CAMKMT: variants seen among roughly 807,000 people sequenced by gnomAD.
CAMKMT encodes calmodulin-lysine N-methyltransferase.
CAMKMT carries 53 observed loss-of-function variants against 48.0 expected under a neutral mutation model. The ratio of observed to expected loss-of-function variants is 1.10; its 90% CI spans 0.89 to 1.39. The LOEUF is 1.39. Among genes scored for constraint, CAMKMT ranks in the 40% most tolerant of loss-of-function variants. The probability of loss-of-function intolerance (pLI) is 0.00; values close to 1 mark genes in which losing one functional copy is unlikely to be tolerated. For synonymous variants in CAMKMT, 165 were observed against 152.3 expected, an observed-to-expected ratio of 1.08 and a Z score of -0.61; for missense variants, 428 against 402.7, an observed-to-expected ratio of 1.06 and a Z score of -0.54.
intron 3 of CAMKMT, among the ~76,000 whole-genome samples, chr2:44,622,799 A>C (rs1672272366): frequency 6.6e-6 from 1 of 152,168 alleles, no homozygotes; most frequent in Non-Finnish European, 1.5e-5. Flanking sequence ...ATGAACATAG[A>C]AGTACATGTG....
At chr2:44,624,953 G>T (rs145596644) in intron 3 of CAMKMT, among the ~76,000 whole-genome samples, 4,184 of 152,186 alleles carry the variant, frequency 0.027, 190 homozygotes, top group African/African-American at 0.095. Flanking sequence ...CAGTGTAAAA[G>T]TGTTCCTATT....
chr2:44,604,467 G>C (rs1671171242), intron 3 of CAMKMT, among the ~76,000 whole-genome samples: 1 of 151,600 alleles, frequency 6.6e-6, no homozygotes, highest in African/African-American at 2.4e-5. Flanking sequence ...CCATGTAGTA[G>C]GGTAATTCAG....
chr2:44,580,561 CTTA>C (rs1235771865), intron 3 of CAMKMT, among the ~76,000 whole-genome samples: 3 of 152,144 alleles, frequency 2.0e-5, no homozygotes, highest in Non-Finnish European at 4.4e-5. Flanking sequence ...TAAATTGTCA[CTTA>C]TTATTGTTCA....
chr2:44,395,251 A>G (rs1681722886), intron 3 of CAMKMT, among the ~76,000 whole-genome samples: 1 of 152,162 alleles, frequency 6.6e-6, no homozygotes, highest in Non-Finnish European at 1.5e-5. Flanking sequence ...ATGTCTATAT[A>G]TGTAATGCAT....
intron 3 of CAMKMT, among the ~76,000 whole-genome samples, chr2:44,454,810 A>G (rs1572909471): frequency 6.6e-6 from 1 of 152,172 alleles, no homozygotes; most frequent in Non-Finnish European, 1.5e-5. Context: ...CAGTGAATCA[A>G]AAGAATTTCT....
chr2:44,405,129 C>T (rs566041151), intron 3 of CAMKMT, among the ~76,000 whole-genome samples: 1 of 152,134 alleles, frequency 6.6e-6, no homozygotes, highest in South Asian at 2.1e-4. Context: ...TAAAATCTAT[C>T]TAAATACAAG....
intron 3 of CAMKMT, among the ~76,000 whole-genome samples, chr2:44,581,596 A>G (rs1271199065): frequency 6.6e-6 from 1 of 152,256 alleles, no homozygotes; most frequent in African/African-American, 2.4e-5. Context: ...GCTATTAAAT[A>G]ATTATAACAT....
rs1011235562 is a variant in CAMKMT at position 44,768,521 on chromosome 2, G to A, written c.894+1960G>A. 3.9e-5 allele frequency among the ~76,000 whole-genome samples: 6 copies of A among 152,090 alleles called. No homozygotes were observed. In the East Asian group the frequency reaches 9.7e-4, roughly 25 times the overall value. ...CAGTTGTGCTCCTTTGCAGGAGAAG[G>A]AGCTCGCCCAGAGGCCGGAGCAGTG... On this transcript the variant is annotated intron_variant, in intron 10 of 10. Coordinates refer to ENST00000378494, the MANE Select transcript of CAMKMT (RefSeq NM_024766.5).
At chr2:44,416,258 G>A (rs1353126237) in intron 3 of CAMKMT, among the ~76,000 whole-genome samples, 6 of 152,022 alleles carry the variant, frequency 3.9e-5, no homozygotes, top group Non-Finnish European at 7.4e-5. Flanking sequence ...TAAAAGTAAT[G>A]TATGATTTAG....
At chr2:44,431,334 T>C (rs980893786) in intron 3 of CAMKMT, among the ~76,000 whole-genome samples, 1 of 152,188 alleles carries the variant, frequency 6.6e-6, no homozygotes, top group Non-Finnish European at 1.5e-5. Context: ...AAAATATTAT[T>C]AGCACTTCCC....
intron 3 of CAMKMT, chr2:44,631,766 G>T: frequency 2.7e-6 from 1 of 365,552 alleles, no homozygotes; most frequent in Non-Finnish European, 4.8e-6. Flanking sequence ...TGTCTTTTTT[G>T]TTCATTATTC....
At chr2:44,709,661 A>T (rs999779307) in intron 6 of CAMKMT, among the ~76,000 whole-genome samples, 10 of 152,124 alleles carry the variant, frequency 6.6e-5, no homozygotes, top group African/African-American at 2.2e-4. Context: ...AAGAATAACT[A>T]ATTCACTGAA....
rs112609350 is a variant in CAMKMT, at chr2:44,520,323, G to A, written c.376+130018G>A. On this transcript the variant is annotated intron_variant, in intron 3 of 10. Coordinates refer to ENST00000378494, the MANE Select transcript of CAMKMT (RefSeq NM_024766.5). Reference sequence around the variant, plus strand: ...AGACTAGTCTAGAACTACTACCCTCGAGGGAGATCCTCTTATCTATCTCAG... The same window carrying A: ...AGACTAGTCTAGAACTACTACCCTCAAGGGAGATCCTCTTATCTATCTCAG... Among the ~76,000 whole-genome samples, 1,008 of 152,050 alleles carry A rather than the reference G, an allele frequency of 6.6e-3. 10 individuals are homozygous for A. Among genetic ancestry groups the A allele is most frequent in the African/African-American group, 0.023 (943 of 41,474 alleles).
chr2:44,521,338 G>A (rs1671098404), intron 3 of CAMKMT, among the ~76,000 whole-genome samples: 1 of 151,994 alleles, frequency 6.6e-6, no homozygotes, highest in Non-Finnish European at 1.5e-5. Flanking sequence ...GAGTGCAGTG[G>A]CACAATCTCC....
intron 3 of CAMKMT, among the ~76,000 whole-genome samples, chr2:44,632,403 T>C (rs1572959531): frequency 6.6e-6 from 1 of 152,226 alleles, no homozygotes; most frequent in African/African-American, 2.4e-5. Context: ...CGTTAGTTTA[T>C]TTTTCAAAAT....
intron 3 of CAMKMT, among the ~76,000 whole-genome samples, chr2:44,555,418 G>T (rs1242160968): frequency 6.6e-6 from 1 of 152,176 alleles, no homozygotes; most frequent in African/African-American, 2.4e-5. Flanking sequence ...CTGAAGCAGG[G>T]ACTACAGGAA....
At chr2:44,587,948 G>A (rs1669971455) in intron 3 of CAMKMT, among the ~76,000 whole-genome samples, 1 of 116,522 alleles carries the variant, frequency 8.6e-6, no homozygotes, top group East Asian at 2.2e-4. Flanking sequence ...CATCGTCTGG[G>A]ATATGAGGAG....
At chr2:44,709,929 C>T (rs1482983143) in intron 6 of CAMKMT, among the ~76,000 whole-genome samples, 1 of 152,022 alleles carries the variant, frequency 6.6e-6, no homozygotes, top group Non-Finnish European at 1.5e-5. Flanking sequence ...ATGAATACAT[C>T]AGTGAAATGT....
intron 3 of CAMKMT, among the ~76,000 whole-genome samples, chr2:44,511,929 T>C (rs1052175201): frequency 1.3e-5 from 2 of 152,350 alleles, no homozygotes; most frequent in South Asian, 4.1e-4. Flanking sequence ...AATAGTACTG[T>C]ACTTTGTGCT....
Sources: allele counts gnomAD v4.1 joint callset (sites outside exome capture counted in the v4.1 genomes callset), GRCh38; gene constraint gnomAD v4.1.1; transcripts MANE v1.5; gene names NCBI Gene and HGNC (gene_info 2026-07-23, HGNC 2026-07-21).